APP: variants seen among roughly 807,000 people sequenced by gnomAD.
APP encodes amyloid beta precursor protein.
In APP, 31 loss-of-function variants were observed where a neutral mutation model predicts 101.4. That is an observed-to-expected ratio of 0.31 (90% CI 0.23 to 0.41). The LOEUF (loss-of-function observed/expected upper bound fraction) is 0.41, where lower values mean the gene tolerates loss of function less well. APP is among the 10% of genes least tolerant of loss of function. The pLI, the probability that APP is intolerant of heterozygous loss-of-function variation, is 1.00. For missense variants in APP, 839 were observed against 1,003.7 expected (o/e 0.84, Z 2.22); for synonymous variants, 366 against 364.4 (o/e 1.00, Z -0.05).
intron 2 of APP, 22 bp from the exon 3 acceptor site, chr21:26,090,094 A>G (rs767195356): frequency 6.2e-7 from 1 of 1,613,718 alleles, no homozygotes; most frequent in South Asian, 1.1e-5. Flanking sequence ...CACAAAAAGA[A>G]TCAATTGTTA....
chr21:25,926,898 G>A (rs1015218272), intron 13 of APP, among the ~76,000 whole-genome samples: 40 of 151,366 alleles, frequency 2.6e-4, no homozygotes, highest in African/African-American at 9.5e-4. Context: ...AGCTACTCGG[G>A]AGGCTGAGGC....
chr21:25,975,531 A>G (rs920242055), intron 10 of APP, among the ~76,000 whole-genome samples: 2 of 151,834 alleles, frequency 1.3e-5, no homozygotes, highest in African/African-American at 4.9e-5. Flanking sequence ...CTTATATTAC[A>G]TATTAAAAAA....
At chr21:26,113,430 C>G (rs1410170975) in intron 1 of APP, among the ~76,000 whole-genome samples, 1 of 152,168 alleles carries the variant, frequency 6.6e-6, no homozygotes, top group African/African-American at 2.4e-5. Context: ...TTTACACATA[C>G]TTCGTCAAAA....
intron 1 of APP, 123 bp downstream of exon 1, chr21:26,170,441 G>A (rs1223194160): frequency 6.7e-6 from 7 of 1,038,730 alleles, no homozygotes; most frequent in Non-Finnish European, 9.7e-6. Context: ...CGGGGGCGGA[G>A]AGGAGAGGGG....
rs531277208 is a variant in APP at position 26,089,748 on chromosome 21, C to A, written c.355+195G>T. The A allele has an allele frequency of 4.5e-6, 3 of 660,344 alleles. No homozygotes were observed. The South Asian group carries it at 6.9e-5, about 15-fold the overall frequency. The allele number at this position is 660,344 out of a possible 1,614,324, so 40.9% of individuals were successfully genotyped here. On this transcript the variant is annotated intron_variant, in intron 3 of 17. Coordinates refer to ENST00000346798, the MANE Select transcript of APP (RefSeq NM_000484.4). ...CACCCTGGGTAAATTCATTCTGAGGCAGGGAACTCAAAAATACTGCTCCTA... is the reference window on the plus strand; with the variant it reads ...CACCCTGGGTAAATTCATTCTGAGGAAGGGAACTCAAAAATACTGCTCCTA...
Position 26,128,582 on chromosome 21 carries a change from T to C in APP, c.58-16436A>G, listed in dbSNP as rs2062730152. On this transcript the variant is annotated intron_variant, in intron 1 of 17. Transcript: ENST00000346798. ...ACATTCGTTTCGAAGTATGAATAAA[T>C]GCCTCATTTCATATCTAATTCAGTG... 2.6e-5 allele frequency among the ~76,000 whole-genome samples: 4 copies of C among 152,318 alleles called. No individual in the cohort carries two copies. In the South Asian group the frequency reaches 8.3e-4, roughly 32 times the overall value.
intron 13 of APP, among the ~76,000 whole-genome samples, chr21:25,932,021 C>T (rs986938567): frequency 1.3e-5 from 2 of 152,164 alleles, no homozygotes; most frequent in African/African-American, 4.8e-5. Context: ...AACAGTTCCA[C>T]CCATGATAAA....
At chr21:25,890,086 G>C (rs1166227284) in intron 17 of APP, among the ~76,000 whole-genome samples, 1 of 152,070 alleles carries the variant, frequency 6.6e-6, no homozygotes, top group Non-Finnish European at 1.5e-5. Context: ...ATCACAAAAG[G>C]TGCAATGGCC....
intron 15 of APP, among the ~76,000 whole-genome samples, chr21:25,903,119 C>A (rs1239050705): frequency 6.6e-6 from 1 of 151,780 alleles, no homozygotes; most frequent in African/African-American, 2.4e-5. Flanking sequence ...GTAATCCCAG[C>A]ACTTTGGGAT....
chr21:26,010,293 G>A (rs887247307), intron 6 of APP, among the ~76,000 whole-genome samples: 22 of 151,622 alleles, frequency 1.5e-4, no homozygotes, highest in Non-Finnish European at 1.8e-4. Flanking sequence ...ATATGCATAC[G>A]CAATGTTTCA....
chr21:26,108,585 C>T (rs115823796), intron 2 of APP, among the ~76,000 whole-genome samples: 2,042 of 128,684 alleles, frequency 0.016, 46 homozygotes, highest in African/African-American at 0.058. Context: ...CACTCCTCTT[C>T]TCTGAAAAAA....
At position 25,902,426 on chromosome 21, in the gene APP, C is replaced by T. The variant is rs776140440; in HGVS notation, c.1963+2598G>A. 9.8e-4 allele frequency among the ~76,000 whole-genome samples: 149 copies of T among 152,188 alleles called. 1 individual carries two copies. Among genetic ancestry groups the T allele is most frequent in the Non-Finnish European group, 1.2e-3 (85 of 68,034 alleles). Reference sequence around the variant, plus strand: ...ACTACAAGCACAAAAACAGAACACACGCATGGCTTAATACATGTGCAGTAA... The same window carrying T: ...ACTACAAGCACAAAAACAGAACACATGCATGGCTTAATACATGTGCAGTAA... On this transcript the variant is annotated intron_variant, in intron 15 of 17. Coordinates refer to ENST00000346798, the MANE Select transcript of APP (RefSeq NM_000484.4).
chr21:26,005,644 C>T (rs555378215), intron 6 of APP, among the ~76,000 whole-genome samples: 1 of 152,272 alleles, frequency 6.6e-6, no homozygotes, highest in African/African-American at 2.4e-5. Context: ...AACACATCTT[C>T]AATAAGCCGC....
At chr21:25,884,889 G>GC (rs2037223732) in intron 17 of APP, among the ~76,000 whole-genome samples, 3 of 152,220 alleles carry the variant, frequency 2.0e-5, no homozygotes, top group South Asian at 4.1e-4. Flanking sequence ...AATTTGATAG[G>GC]TTTATCTCCT....
intron 15 of APP, among the ~76,000 whole-genome samples, chr21:25,898,880 A>G (rs940143772): frequency 1.3e-5 from 2 of 152,110 alleles, no homozygotes; most frequent in African/African-American, 2.4e-5. Context: ...AATCTTGTCT[A>G]CGAGATTCTG....
chr21:26,022,630 C>T (rs374432258), intron 5 of APP, among the ~76,000 whole-genome samples: 3 of 152,240 alleles, frequency 2.0e-5, no homozygotes, highest in East Asian at 3.9e-4. Context: ...TGCTTGAATT[C>T]TTTGTAAACC....
At chr21:25,881,964 C>G (rs1377310918) in intron 17 of APP, among the ~76,000 whole-genome samples, 193 bp from the exon 18 acceptor site, 1 of 152,098 alleles carries the variant, frequency 6.6e-6, no homozygotes, top group Non-Finnish European at 1.5e-5. Flanking sequence ...ATGCTGTGCT[C>G]CATCTAGCCA....
chr21:26,050,097 G>T (rs974290490), intron 5 of APP, among the ~76,000 whole-genome samples: 1 of 152,038 alleles, frequency 6.6e-6, no homozygotes, highest in African/African-American at 2.4e-5. Context: ...AGCTGATATA[G>T]ACAATAAACT....
chr21:26,015,377 A>C (rs1417804425), intron 6 of APP, among the ~76,000 whole-genome samples: 2 of 152,190 alleles, frequency 1.3e-5, no homozygotes, highest in African/African-American at 4.8e-5. Context: ...AAAATAGTTA[A>C]ATATTGGATA....
Sources: allele counts gnomAD v4.1 joint callset (sites outside exome capture counted in the v4.1 genomes callset), GRCh38; gene constraint gnomAD v4.1.1; transcripts MANE v1.5; gene names NCBI Gene and HGNC (gene_info 2026-07-23, HGNC 2026-07-21).